Variants in RNF13 observed in about 807,000 individuals in gnomAD.
RNF13 encodes E3 ubiquitin-protein ligase RNF13.
RNF13 carries 19 observed loss-of-function variants against 37.7 expected under a neutral mutation model. The ratio of observed to expected loss-of-function variants is 0.50; its 90% CI spans 0.35 to 0.74. The LOEUF (loss-of-function observed/expected upper bound fraction) is 0.74. RNF13 is among the 30% of genes least tolerant of loss of function. RNF13 has a pLI of 0.01. For missense variants in RNF13, 375 were observed against 453.0 expected (o/e 0.83, Z 1.56); for synonymous variants, 144 against 157.8 (o/e 0.91, Z 0.65).
chr3:149,848,970 A>G (rs1051078296), intron 2 of RNF13, among the ~76,000 whole-genome samples: 1 of 152,174 alleles, frequency 6.6e-6, no homozygotes, highest in Non-Finnish European at 1.5e-5. Context: ...ACAGGAATTC[A>G]ATAAACGTTT....
intron 3 of RNF13, among the ~76,000 whole-genome samples, chr3:149,854,072 G>A (rs1407477871): frequency 6.6e-6 from 1 of 152,018 alleles, no homozygotes; most frequent in Non-Finnish European, 1.5e-5. Context: ...CTGGGCTCAA[G>A]TGATCCGCCC....
chr3:149,955,876 A>C (rs1398908164), intron 8 of RNF13, among the ~76,000 whole-genome samples: 1 of 152,200 alleles, frequency 6.6e-6, no homozygotes, highest in African/African-American at 2.4e-5. Flanking sequence ...CTGCACTGTG[A>C]CTATTTTAAC....
intron 7 of RNF13, among the ~76,000 whole-genome samples, chr3:149,920,386 G>A (rs1717993759): frequency 6.6e-6 from 1 of 151,820 alleles, no homozygotes; most frequent in Non-Finnish European, 1.5e-5. Context: ...CAGGCACACG[G>A]CAATGCGCCA....
intron 1 of RNF13, among the ~76,000 whole-genome samples, chr3:149,841,664 G>T (rs561094106): frequency 1.8e-4 from 28 of 152,180 alleles, no homozygotes; most frequent in African/African-American, 6.7e-4. Flanking sequence ...CTGTTGCTCA[G>T]GCTGGAGTGC....
At chr3:149,858,166 G>T (rs1723852555) in intron 3 of RNF13, among the ~76,000 whole-genome samples, 1 of 152,172 alleles carries the variant, frequency 6.6e-6, no homozygotes, top group Admixed American at 6.5e-5. Context: ...AGGTGCCAGT[G>T]CCATGCTTCT....
At chr3:149,893,699 A>G (rs556327308) in intron 4 of RNF13, 1 of 152,334 alleles carries the variant, frequency 6.6e-6, no homozygotes, top group South Asian at 2.1e-4. Flanking sequence ...AGTGATATCT[A>G]AGGGGAAGAG....
intron 3 of RNF13, among the ~76,000 whole-genome samples, chr3:149,863,990 T>C (rs1724537750): frequency 6.8e-6 from 1 of 146,542 alleles, no homozygotes; most frequent in Admixed American, 6.9e-5. Flanking sequence ...GTAGCTGGAA[T>C]GGCAATGTTT....
intron 5 of RNF13, among the ~76,000 whole-genome samples, chr3:149,901,022 TA>T (rs1715776727): frequency 6.6e-6 from 1 of 151,980 alleles, no homozygotes; most frequent in Non-Finnish European, 1.5e-5. Flanking sequence ...GTTTAGGGGG[TA>T]GGGGTTGACT....
At chr3:149,955,420 A>C (rs893650204) in intron 8 of RNF13, among the ~76,000 whole-genome samples, 3 of 152,094 alleles carry the variant, frequency 2.0e-5, no homozygotes, top group Non-Finnish European at 4.4e-5. Context: ...AAGAGTTCTC[A>C]GGCAAATCTG....
chr3:149,869,462 C>T (rs146652413), intron 3 of RNF13, among the ~76,000 whole-genome samples: 1,844 of 151,688 alleles, frequency 0.012, 37 homozygotes, highest in African/African-American at 0.041. Context: ...AAAAATTAGC[C>T]GGGCGTAGTG....
chr3:149,872,083 C>T lies in RNF13; in HGVS notation c.250C>T (p.Pro84Ser), dbSNP rs756327118. 1.2e-6 allele frequency: 2 copies of T among 1,606,454 alleles called. No individual in the cohort carries two copies. Among genetic ancestry groups the T allele is most frequent in the South Asian group, 1.1e-5 (1 of 90,022 alleles). The change falls in exon 4 of 10, where the codon CCA (proline) becomes TCA (serine). Residue 84 changes from proline (P) to serine (S), a missense_variant. Physicochemically the swap from Pro to Ser is moderately conservative, Grantham distance 74. Transcript: ENST00000392894. Reference protein sequence around the residue: ...ENACEPIVPPPVKDNSSGTFI... With the variant: ...ENACEPIVPPSVKDNSSGTFI... ...TGCCTGTGAACCCATAGTGCCTCCA[C>T]CAGTAAAAGACAATTCATCTGGCAC...
At chr3:149,958,429 ACT>A (rs1363167449) in intron 8 of RNF13, among the ~76,000 whole-genome samples, 2 of 151,842 alleles carry the variant, frequency 1.3e-5, no homozygotes, top group African/African-American at 2.4e-5. Context: ...CATCGCCCCG[ACT>A]CTGAATTTTC....
At chr3:149,926,994 T>C (rs746341952) in intron 8 of RNF13, among the ~76,000 whole-genome samples, 1 of 152,238 alleles carries the variant, frequency 6.6e-6, no homozygotes, top group Non-Finnish European at 1.5e-5. Context: ...ATTGTATTTT[T>C]TATTGTAGCA....
At chr3:149,934,305 T>C (rs1453820777) in intron 8 of RNF13, among the ~76,000 whole-genome samples, 1 of 152,114 alleles carries the variant, frequency 6.6e-6, no homozygotes, top group Non-Finnish European at 1.5e-5. Context: ...CAAAAAACAA[T>C]TTTTTTCTTT....
chr3:149,903,245 G>A (rs1196252431), intron 6 of RNF13, among the ~76,000 whole-genome samples: 1 of 151,880 alleles, frequency 6.6e-6, no homozygotes, highest in African/African-American at 2.4e-5. Context: ...TGTCAGCCGT[G>A]TTTGCTTGGT....
At chr3:149,916,811 G>A (rs527505569) in intron 7 of RNF13, among the ~76,000 whole-genome samples, 1 of 152,194 alleles carries the variant, frequency 6.6e-6, no homozygotes, top group South Asian at 2.1e-4. Context: ...AATGCTAGAA[G>A]CCTTCCCTTG....
At chr3:149,856,432 A>G (rs557769379) in intron 3 of RNF13, among the ~76,000 whole-genome samples, 2 of 148,394 alleles carry the variant, frequency 1.3e-5, no homozygotes, top group African/African-American at 4.9e-5. Flanking sequence ...TATGAGACTT[A>G]GCTGAAAAAT....
At chr3:149,838,527 C>T (rs1412868624) in intron 1 of RNF13, among the ~76,000 whole-genome samples, 3 of 152,212 alleles carry the variant, frequency 2.0e-5, no homozygotes, top group African/African-American at 4.8e-5. Context: ...CTCAATACCA[C>T]GTGGAAACTG....
In RNF13 at chr3:149,876,578, C is replaced by T. The variant is rs141552474; in HGVS notation, c.321+4424C>T. ...CTCTACTTTGCCACTCCTCCCACCT[C>T]GTAAGAATTTACAAGTCCCCATATG... On this transcript the variant is annotated intron_variant, in intron 4 of 9. Coordinates refer to ENST00000392894, the MANE Select transcript of RNF13 (RefSeq NM_183381.3). Among the ~76,000 whole-genome samples the T allele has an allele frequency of 4.0e-3, 614 of 152,166 alleles. 14 individuals are homozygous for T. Among genetic ancestry groups the T allele is most frequent in the Admixed American group, 0.028 (428 of 15,258 alleles).
Sources: allele counts gnomAD v4.1 joint callset (sites outside exome capture counted in the v4.1 genomes callset), GRCh38; gene constraint gnomAD v4.1.1; transcripts MANE v1.5; gene names NCBI Gene and HGNC (gene_info 2026-07-23, HGNC 2026-07-21).